The following MAFF variants were observed in gnomAD, a reference collection of about 807,000 sequenced individuals.
MAFF encodes the protein MAF bZIP transcription factor F, also known as transcription factor MafF.
A neutral mutation model predicts 2.7 loss-of-function variants in MAFF; 4 were observed. The observed-to-expected ratio is 1.48, with a 90% CI of 0.73 to 3.39. MAFF has a LOEUF of 3.39. MAFF is among the 30% of genes most tolerant of loss of function. MAFF has a pLI of 0.01. For synonymous variants in MAFF, 113 were observed against 119.4 expected, an observed-to-expected ratio of 0.95 and a Z score of 0.35; for missense variants, 190 against 246.6, an observed-to-expected ratio of 0.77 and a Z score of 1.54.
In MAFF at chr22:38,215,051, C is replaced by T. The variant is rs1003678688; in HGVS notation, c.*173C>T. 3.4e-6 allele frequency: 2 copies of T among 588,042 alleles called. No individual in the cohort carries two copies. Among genetic ancestry groups the T allele is most frequent in the Non-Finnish European group, 6.2e-6 (2 of 322,526 alleles). 36.4% of individuals were successfully genotyped at this position (588,042 alleles called of 1,614,324 possible). A position where few individuals can be genotyped will look rare whatever the true frequency, so the allele number is the denominator to read the frequency against. ...CTCTTGCAGCCCCCCAAACTGGGACCGAATGACCCTGGGAAGGGGAACTTG... is the reference window on the plus strand; with the variant it reads ...CTCTTGCAGCCCCCCAAACTGGGACTGAATGACCCTGGGAAGGGGAACTTG... On this transcript the variant is annotated 3_prime_UTR_variant, in exon 3 of 3. Transcript: ENST00000338483.
intron 1 of MAFF, among the ~76,000 whole-genome samples, chr22:38,205,042 G>A (rs888820455): frequency 6.6e-6 from 1 of 152,056 alleles, no homozygotes; most frequent in Non-Finnish European, 1.5e-5. Flanking sequence ...TGGAGAAGAG[G>A]GCTAGTCTGA....
In MAFF at chr22:38,214,930, C is replaced by G. The variant is rs1376287130; in HGVS notation, c.*52C>G. On this transcript the variant is annotated 3_prime_UTR_variant, in exon 3 of 3. Transcript: ENST00000338483. The surrounding 1 kb of genome is among the most constrained non-coding windows in gnomAD (Gnocchi z 6.3). ...CGCCCCTCCGGCCTCAGCTCCCTCC[C>G]CAAAGTGCCTGAGCGCCGCCTCTGT... 7.2e-7 allele frequency: 1 copy of G among 1,379,496 alleles called. No homozygotes were observed. Among genetic ancestry groups the G allele is most frequent in the Non-Finnish European group, 1.0e-6 (1 of 1,002,126 alleles). 85.5% of individuals were successfully genotyped at this position (1,379,496 alleles called of 1,614,324 possible).
chr22:38,209,540 T>C (rs1213394181), intron 1 of MAFF, among the ~76,000 whole-genome samples: 5 of 151,694 alleles, frequency 3.3e-5, no homozygotes, highest in East Asian at 2.0e-4. Flanking sequence ...GGGTTGGGCG[T>C]GGTGGCTCAC....
intron 1 of MAFF, among the ~76,000 whole-genome samples, chr22:38,211,367 C>T (rs902781674): frequency 2.0e-5 from 3 of 152,276 alleles, no homozygotes; most frequent in Middle Eastern, 3.4e-3. Flanking sequence ...GCTGGGACTA[C>T]AGGCACGTGC....
chr22:38,203,155 C>G (rs1208878083), intron 1 of MAFF: 5 of 152,268 alleles, frequency 3.3e-5, no homozygotes, highest in Non-Finnish European at 7.3e-5. Flanking sequence ...AAGGGACTCT[C>G]GTTCGTCCCC....
chr22:38,206,956 A>G (rs2091056626), intron 1 of MAFF, among the ~76,000 whole-genome samples: 1 of 152,092 alleles, frequency 6.6e-6, no homozygotes, highest in South Asian at 2.1e-4. Context: ...TAGCGGGCCC[A>G]ACACAAATCC....
At chr22:38,208,519 C>G (rs1425966468) in intron 1 of MAFF, among the ~76,000 whole-genome samples, 3 of 152,152 alleles carry the variant, frequency 2.0e-5, no homozygotes, top group Non-Finnish European at 2.9e-5. Flanking sequence ...AGAGACAGGG[C>G]CAGGAGGTAC....
intron 1 of MAFF, among the ~76,000 whole-genome samples, chr22:38,207,439 T>A (rs1227926855): frequency 8.7e-6 from 1 of 114,882 alleles, no homozygotes; most frequent in African/African-American, 3.4e-5. Flanking sequence ...TTTTTTTTTT[T>A]TTTTTTTTTT....
chr22:38,206,047 G>C (rs940319982), intron 1 of MAFF, among the ~76,000 whole-genome samples: 3 of 152,134 alleles, frequency 2.0e-5, no homozygotes, highest in Admixed American at 6.5e-5. Flanking sequence ...TGGGGGAAGA[G>C]CAGGTTCAAA....
intron 1 of MAFF, 177 bp from the exon 2 acceptor site, chr22:38,213,646 G>A (rs1006049515): frequency 1.3e-5 from 9 of 682,754 alleles, no homozygotes; most frequent in Middle Eastern, 2.4e-4. Flanking sequence ...CACAGCTCCC[G>A]CGGCTGGAAG....
intron 1 of MAFF, among the ~76,000 whole-genome samples, chr22:38,206,840 GTCTT>G (rs1444266289): frequency 2.6e-5 from 4 of 152,152 alleles, no homozygotes; most frequent in Non-Finnish European, 5.9e-5. Flanking sequence ...CTCCCATTGG[GTCTT>G]TCTGTGTAGC....
chr22:38,207,741 G>T (rs534586042), intron 1 of MAFF, among the ~76,000 whole-genome samples: 6 of 152,172 alleles, frequency 3.9e-5, no homozygotes, highest in Admixed American at 2.6e-4. Flanking sequence ...GGGGCTATAG[G>T]TGTGCACCAC....
chr22:38,209,015 T>A (rs1457365417), intron 1 of MAFF, among the ~76,000 whole-genome samples: 1 of 151,468 alleles, frequency 6.6e-6, no homozygotes, highest in Admixed American at 6.6e-5. Context: ...CTGGACTCCA[T>A]CCTTAGGATA....
chr22:38,207,926 G>A (rs958051210), intron 1 of MAFF, among the ~76,000 whole-genome samples: 1 of 152,164 alleles, frequency 6.6e-6, no homozygotes, highest in African/African-American at 2.4e-5. Flanking sequence ...GTGACGGTGT[G>A]AAGGGACCAG....
Position 38,215,093 on chromosome 22 carries a change from G to T in MAFF, c.*215G>T. 2.0e-6 allele frequency: 1 copy of T among 505,890 alleles called. No homozygotes were observed. The highest frequency in any genetic ancestry group is 3.6e-6 in the Non-Finnish European group (1 of 275,794). 31.3% of individuals were successfully genotyped at this position (505,890 alleles called of 1,614,324 possible). ...GGGAACTTGGGTAGGTTGGGGATGG[G>T]GCAGAGGTCTGGATCTGGGATCGCC... is the stretch of plus-strand genomic sequence containing the variant. On this transcript the variant is annotated 3_prime_UTR_variant, in exon 3 of 3. Transcript: ENST00000338483.
chr22:38,215,778 G>C lies in MAFF; in HGVS notation c.*900G>C, dbSNP rs536261716. The C allele has an allele frequency of 6.0e-6, 1 of 167,228 alleles. No individual in the cohort carries two copies. The highest frequency in any genetic ancestry group is 2.1e-4 in the South Asian group (1 of 4,824). 10.4% of individuals were successfully genotyped at this position (167,228 alleles called of 1,614,324 possible). A position where few individuals can be genotyped will look rare whatever the true frequency, so the allele number is the denominator to read the frequency against. On this transcript the variant is annotated 3_prime_UTR_variant, in exon 3 of 3. Transcript: ENST00000338483. ...TGCAGTCCTACTACAGTCTGGAGTG[G>C]GGTCCTAAGAAGAAGGGTCCCACCT...
At chr22:38,210,169 C>T (rs565816066) in intron 1 of MAFF, among the ~76,000 whole-genome samples, 2 of 152,332 alleles carry the variant, frequency 1.3e-5, no homozygotes, top group Admixed American at 1.3e-4. Flanking sequence ...TGGGTCCTGA[C>T]CTGGCACTCT....
chr22:38,214,769 C>T lies in MAFF; in HGVS notation c.386C>T (p.Thr129Met). Residue 129 changes from threonine to methionine, a missense_variant, in exon 3 of 3, where the codon ACG becomes ATG. This residue lies in a region of MAFF where 103 missense variants were observed against 103.0 expected (regional missense o/e 1.00). Transcript: ENST00000338483. This position sits in a 1 kb window ranked among gnomAD's most constrained non-coding sequence, Gnocchi z 6.3. ...GTGGCCGCCGCCCGCGGGCCCGCCA[C>T]GCTCGTGGCGCCGGCCAGCGTCATC... Reference protein sequence around the residue: ...RSVAAARGPATLVAPASVITI... With the variant: ...RSVAAARGPAMLVAPASVITI... 7.0e-7 allele frequency: 1 copy of T among 1,436,222 alleles called. No homozygotes were observed. The highest frequency in any genetic ancestry group is 9.1e-7 in the Non-Finnish European group (1 of 1,101,218). 89.0% of individuals were successfully genotyped at this position (1,436,222 alleles called of 1,614,324 possible). A position where few individuals can be genotyped will look rare whatever the true frequency, so the allele number is the denominator to read the frequency against.
At chr22:38,211,933 G>C (rs1178770090) in intron 1 of MAFF, among the ~76,000 whole-genome samples, 3 of 152,158 alleles carry the variant, frequency 2.0e-5, no homozygotes, top group African/African-American at 7.2e-5. Context: ...TTCCGATACG[G>C]TACGTGTTTA....
Sources: allele counts gnomAD v4.1 joint callset (sites outside exome capture counted in the v4.1 genomes callset), GRCh38; gene constraint gnomAD v4.1.1; regional missense constraint gnomAD v4.1.1; non-coding constraint Gnocchi (gnomAD v3.1); transcripts MANE v1.5; gene names NCBI Gene and HGNC (gene_info 2026-07-23, HGNC 2026-07-21).